The following GRIP1 variants were observed in gnomAD, a reference collection of about 807,000 sequenced individuals.
GRIP1 encodes glutamate receptor-interacting protein 1.
Under a neutral mutation model 129.9 loss-of-function variants are expected in GRIP1, and 45 were observed. The observed-to-expected ratio is 0.35, with a 90% CI of 0.27 to 0.44. GRIP1 has a LOEUF of 0.44. Ranked by LOEUF, GRIP1 falls within the 20% of genes least tolerant of loss-of-function variation. The pLI, the probability that GRIP1 is intolerant of heterozygous loss-of-function variation, is 1.00. For missense variants in GRIP1, 1,196 were observed against 1,396.8 expected, an observed-to-expected ratio of 0.86 and a Z score of 2.29; for synonymous variants, 530 against 520.8, an observed-to-expected ratio of 1.02 and a Z score of -0.24.
At chr12:66,998,694 A>G (rs1463859223) in intron 1 of GRIP1, among the ~76,000 whole-genome samples, 1 of 152,168 alleles carries the variant, frequency 6.6e-6, no homozygotes, top group East Asian at 1.9e-4. Context: ...TCTGCATCAG[A>G]TCAGGCCCAT....
At chr12:66,369,340 C>CTTTTTTTTTTTTTTTTTTTTTTTTT (rs758593628) in intron 23 of GRIP1, among the ~76,000 whole-genome samples, 1 of 106,790 alleles carries the variant, frequency 9.4e-6, no homozygotes, top group Non-Finnish European at 1.9e-5. Context: ...TTAACAAGAT[C>CTTTTTTTTTTTTTTTTTTTTTTTTT]TTTTTTTTTT....
At chr12:66,907,801 A>G (rs1460773785) in intron 1 of GRIP1, among the ~76,000 whole-genome samples, 7 of 152,210 alleles carry the variant, frequency 4.6e-5, no homozygotes, top group Non-Finnish European at 7.3e-5. Context: ...TAAAACAGAA[A>G]GAGATTCCTA....
intron 1 of GRIP1, among the ~76,000 whole-genome samples, chr12:66,976,118 G>T (rs1566830): frequency 0.15 from 23,206 of 152,138 alleles, 1,880 homozygotes; most frequent in Admixed American, 0.18. Context: ...TGGTCACAGA[G>T]TATGTAGATT....
At chr12:66,813,671 AG>A (rs1448651182) in intron 1 of GRIP1, among the ~76,000 whole-genome samples, 1 of 152,176 alleles carries the variant, frequency 6.6e-6, no homozygotes, top group African/African-American at 2.4e-5. Flanking sequence ...CAGCATGAAC[AG>A]GAAGGATGAC....
intron 1 of GRIP1, among the ~76,000 whole-genome samples, chr12:66,881,434 C>T (rs1184466960): frequency 6.6e-6 from 1 of 152,140 alleles, no homozygotes; most frequent in African/African-American, 2.4e-5. Flanking sequence ...ATTACATGCA[C>T]ATATAATTAT....
intron 15 of GRIP1, among the ~76,000 whole-genome samples, chr12:66,410,077 C>T (rs1392334152): frequency 2.0e-5 from 3 of 149,564 alleles, no homozygotes; most frequent in South Asian, 2.1e-4. Context: ...GGTGAAACCC[C>T]GTCTCTACTA....
chr12:66,449,352 A>G (rs983269238), intron 11 of GRIP1, among the ~76,000 whole-genome samples: 1 of 152,238 alleles, frequency 6.6e-6, no homozygotes, highest in Non-Finnish European at 1.5e-5. Context: ...CTGAGTTACC[A>G]TAAGGAACTA....
At chr12:66,655,144 T>C (rs1056500468) in intron 1 of GRIP1, among the ~76,000 whole-genome samples, 4 of 152,200 alleles carry the variant, frequency 2.6e-5, no homozygotes, top group African/African-American at 9.6e-5. Flanking sequence ...CTTCTCCAAC[T>C]CATATCCCTC....
intron 19 of GRIP1, among the ~76,000 whole-genome samples, chr12:66,379,684 C>T (rs561524910): frequency 1.3e-5 from 2 of 152,222 alleles, no homozygotes; most frequent in African/African-American, 2.4e-5. Context: ...AGGACACGGA[C>T]GGCTTAGAAC....
In GRIP1 at chr12:66,392,426, G is replaced by C; in HGVS notation, c.2346C>G (p.Ser782=). 6.2e-7 allele frequency: 1 copy of C among 1,613,978 alleles called. No homozygotes were observed. Among genetic ancestry groups the C allele is most frequent in the Non-Finnish European group, 8.5e-7 (1 of 1,179,864 alleles). ...GCTTGCCTGGCTTCTGTGCTGGTGAGGAGTCCTCCTCCACATCCCCCAGGT... is the reference window on the plus strand; with the variant it reads ...GCTTGCCTGGCTTCTGTGCTGGTGACGAGTCCTCCTCCACATCCCCCAGGT... ...LSDLGDVEED[S]SPAQKPGKLS... is the part of the protein sequence containing the mutation. The change falls in exon 19 of 25, where the codon TCC becomes TCG. Residue 782 remains serine, a synonymous_variant. Transcript: ENST00000359742.
At chr12:66,537,445 T>C (rs2061638502) in intron 4 of GRIP1, among the ~76,000 whole-genome samples, 1 of 152,082 alleles carries the variant, frequency 6.6e-6, no homozygotes, top group Non-Finnish European at 1.5e-5. Context: ...TGGCTACTGC[T>C]GTTATAATTA....
intron 2 of GRIP1, among the ~76,000 whole-genome samples, chr12:66,578,658 G>C (rs537081424): frequency 6.6e-6 from 1 of 152,368 alleles, no homozygotes; most frequent in South Asian, 2.1e-4. Flanking sequence ...CTGATTGCTA[G>C]CACAGCAGTC....
At chr12:66,564,887 G>A (rs2062690317) in intron 2 of GRIP1, among the ~76,000 whole-genome samples, 2 of 152,226 alleles carry the variant, frequency 1.3e-5, no homozygotes, top group South Asian at 4.1e-4. Context: ...GTGATGATGA[G>A]CATTTTTTCA....
At chr12:67,052,854 T>C (rs1195748728) in intron 1 of GRIP1, among the ~76,000 whole-genome samples, 1 of 152,074 alleles carries the variant, frequency 6.6e-6, no homozygotes, top group Non-Finnish European at 1.5e-5. Context: ...CTATGGTTAT[T>C]TTACAAAGGA....
chr12:66,791,216 T>C (rs1214220095), intron 1 of GRIP1, among the ~76,000 whole-genome samples: 1 of 152,116 alleles, frequency 6.6e-6, no homozygotes, highest in Non-Finnish European at 1.5e-5. Flanking sequence ...ATAGTGGAAG[T>C]TTTTGTAAAA....
At chr12:66,934,358 G>A (rs548719013) in intron 1 of GRIP1, among the ~76,000 whole-genome samples, 11 of 152,230 alleles carry the variant, frequency 7.2e-5, no homozygotes, top group African/African-American at 2.2e-4. Flanking sequence ...AACTTTCCCT[G>A]ACCCAGTATC....
intron 7 of GRIP1, among the ~76,000 whole-genome samples, chr12:66,473,372 C>T (rs1028664635): frequency 3.3e-5 from 5 of 152,204 alleles, no homozygotes; most frequent in African/African-American, 9.6e-5. Context: ...GACAGAGCAC[C>T]TGGGGGAAGG....
intron 1 of GRIP1, among the ~76,000 whole-genome samples, chr12:66,842,916 T>G (rs1488291855): frequency 6.6e-6 from 1 of 152,124 alleles, no homozygotes; most frequent in African/African-American, 2.4e-5. Context: ...AAAGAAAAGG[T>G]ATAGTCTGTA....
intron 1 of GRIP1, among the ~76,000 whole-genome samples, chr12:66,769,225 A>T (rs867349637): frequency 1.5e-3 from 220 of 144,814 alleles, no homozygotes; most frequent in Middle Eastern, 0.011. Flanking sequence ...CCAAATGGAA[A>T]TTTTTTTTTT....
Sources: gnomAD v4.1 joint callset for allele counts (sites outside exome capture counted in the v4.1 genomes callset) on GRCh38, gnomAD v4.1.1 for gene constraint, MANE v1.5 for transcripts, NCBI Gene and HGNC (gene_info 2026-07-23, HGNC 2026-07-21) for gene names.